Variants in KDM4C observed in about 807,000 individuals in gnomAD.
KDM4C encodes lysine-specific demethylase 4C.
Under a neutral mutation model 129.3 loss-of-function variants are expected in KDM4C, and 81 were observed. The ratio of observed to expected loss-of-function variants is 0.63; its 90% confidence interval spans 0.52 to 0.75. The LOEUF (loss-of-function observed/expected upper bound fraction) is 0.75. KDM4C is among the 30% of genes least tolerant of loss of function. The pLI is 0.00. For synonymous variants in KDM4C, 573 were observed against 456.1 expected (o/e 1.26, Z -3.26); for missense variants, 1,457 against 1,304.0 (o/e 1.12, Z -1.81).
intron 19 of KDM4C, among the ~76,000 whole-genome samples, chr9:7,150,562 AGCTCAGTCCCTG>A (rs1165525292): frequency 6.6e-6 from 1 of 152,050 alleles, no homozygotes; most frequent in Non-Finnish European, 1.5e-5. Context: ...CTCAGTGCTG[AGCTCAGTCCCTG>A]GCCCAGAGGA....
At chr9:6,751,423 G>T (rs1818060985) in intron 1 of KDM4C, among the ~76,000 whole-genome samples, 1 of 152,050 alleles carries the variant, frequency 6.6e-6, no homozygotes, top group African/African-American at 2.4e-5. Context: ...TCCAGCCTGG[G>T]TAACACACCC....
chr9:7,159,833 A>G (rs1843589437), intron 19 of KDM4C, among the ~76,000 whole-genome samples: 1 of 152,116 alleles, frequency 6.6e-6, no homozygotes, highest in Non-Finnish European at 1.5e-5. Flanking sequence ...CTCAAGGAGT[A>G]TCTTTGTGGT....
At chr9:6,835,403 C>T in intron 4 of KDM4C, 1 of 1,144,180 alleles carries the variant, frequency 8.7e-7, no homozygotes, top group African/African-American at 1.5e-5. Context: ...AAGGAGATCA[C>T]CGCCCTGGCG....
At chr9:6,762,230 T>G (rs969200825) in intron 1 of KDM4C, among the ~76,000 whole-genome samples, 2 of 152,164 alleles carry the variant, frequency 1.3e-5, no homozygotes, top group African/African-American at 2.4e-5. Context: ...GTATTTCTCC[T>G]AACACTATCC....
At chr9:6,735,922 T>G (rs1588044528) in intron 1 of KDM4C, among the ~76,000 whole-genome samples, 1 of 152,286 alleles carries the variant, frequency 6.6e-6, no homozygotes, top group African/African-American at 2.4e-5. Flanking sequence ...GTTGAATGGC[T>G]TTGACCAAAA....
At chr9:7,018,267 A>G (rs760912845) in intron 15 of KDM4C, among the ~76,000 whole-genome samples, 1 of 152,206 alleles carries the variant, frequency 6.6e-6, no homozygotes, top group Non-Finnish European at 1.5e-5. Flanking sequence ...AAACATAGAA[A>G]AGGTACAAAA....
chr9:7,140,446 A>T (rs989932082), intron 19 of KDM4C, among the ~76,000 whole-genome samples: 1 of 152,190 alleles, frequency 6.6e-6, no homozygotes, highest in Non-Finnish European at 1.5e-5. Flanking sequence ...TCTAATGAGG[A>T]TGAGGAAATA....
intron 8 of KDM4C, among the ~76,000 whole-genome samples, chr9:6,937,376 T>C (rs1408325359): frequency 6.6e-6 from 1 of 152,136 alleles, no homozygotes; most frequent in East Asian, 1.9e-4. Context: ...CTGCTTGTTA[T>C]ATATAGTAGG....
intron 8 of KDM4C, among the ~76,000 whole-genome samples, chr9:6,972,830 C>G (rs1198163595): frequency 1.3e-5 from 2 of 152,156 alleles, no homozygotes; most frequent in Admixed American, 1.3e-4. Context: ...TCCCCATATT[C>G]TTCCTGATTG....
chr9:7,123,487 T>C (rs1380580356), intron 18 of KDM4C, among the ~76,000 whole-genome samples: 1 of 152,208 alleles, frequency 6.6e-6, no homozygotes, highest in Non-Finnish European at 1.5e-5. Context: ...TAGAATTCAT[T>C]CCTCTTCCAT....
At chr9:6,746,098 G>A (rs893517640) in intron 1 of KDM4C, among the ~76,000 whole-genome samples, 1 of 151,442 alleles carries the variant, frequency 6.6e-6, no homozygotes, top group Non-Finnish European at 1.5e-5. Context: ...GAGCCACCGC[G>A]CCCAGCATAC....
upstream of KDM4C, among the ~76,000 whole-genome samples, chr9:6,756,656 G>T (rs1818306655): frequency 6.6e-6 from 1 of 152,246 alleles, no homozygotes; most frequent in African/African-American, 2.4e-5. Context: ...GGCGGAGGTT[G>T]CAGTAAGCCG....
chr9:6,750,070 T>G (rs1044937843), intron 1 of KDM4C, among the ~76,000 whole-genome samples: 4 of 138,360 alleles, frequency 2.9e-5, no homozygotes, highest in Non-Finnish European at 6.2e-5. Flanking sequence ...AAGAAGAAAA[T>G]GTAAGGCAAT....
intron 4 of KDM4C, chr9:6,835,379 C>A: frequency 9.0e-7 from 1 of 1,108,058 alleles, no homozygotes; most frequent in Non-Finnish European, 1.4e-6. Context: ...CCTAGCGTTG[C>A]CAACAGGATG....
intron 21 of KDM4C, 167 bp downstream of exon 21, chr9:7,170,057 C>T (rs768256993): frequency 8.6e-6 from 13 of 1,509,828 alleles, no homozygotes; most frequent in Non-Finnish European, 1.2e-5. Flanking sequence ...ACTTCAAATT[C>T]AACCAAAATC....
chr9:7,058,664 G>C (rs1831209459), intron 17 of KDM4C, among the ~76,000 whole-genome samples: 1 of 152,144 alleles, frequency 6.6e-6, no homozygotes, highest in African/African-American at 2.4e-5. Context: ...CACTTAAGAA[G>C]GTCCTTGAAA....
chr9:7,039,979 C>G (rs1019141421), intron 15 of KDM4C, among the ~76,000 whole-genome samples: 1 of 151,962 alleles, frequency 6.6e-6, no homozygotes, highest in Non-Finnish European at 1.5e-5. Flanking sequence ...AACCATGTTT[C>G]TTGTGTTTTA....
At chr9:6,834,968 C>T (rs887492369) in intron 4 of KDM4C, 9 of 999,300 alleles carry the variant, frequency 9.0e-6, no homozygotes, top group Admixed American at 1.7e-5. Flanking sequence ...ATATGCCCTC[C>T]CCCACACCAT....
intron 8 of KDM4C, among the ~76,000 whole-genome samples, chr9:6,905,427 G>A (rs1396341191): frequency 6.6e-6 from 1 of 152,106 alleles, no homozygotes; most frequent in Non-Finnish European, 1.5e-5. Context: ...ATTAGTTTGG[G>A]GGAACATACT....
Sources: gnomAD v4.1 joint callset for allele counts (sites outside exome capture counted in the v4.1 genomes callset) on GRCh38, gnomAD v4.1.1 for gene constraint, MANE v1.5 for transcripts, NCBI Gene and HGNC (gene_info 2026-07-23, HGNC 2026-07-21) for gene names.